The following CACNA1E variants were observed in gnomAD, a reference collection of about 807,000 sequenced individuals.
CACNA1E encodes voltage-dependent R-type calcium channel subunit alpha-1E.
A neutral mutation model predicts 259.2 loss-of-function variants in CACNA1E; 40 were observed. The observed-to-expected ratio is 0.15, with a 90% CI of 0.12 to 0.20. The LOEUF is 0.20. Among genes scored for constraint, CACNA1E ranks in the 10% least tolerant of loss-of-function variants. The pLI, the probability that CACNA1E is intolerant of heterozygous loss-of-function variation, is 1.00. For synonymous variants in CACNA1E, 1,104 were observed against 1,138.5 expected (o/e 0.97, Z 0.61); for missense variants, 1,874 against 3,040.1 (o/e 0.62, Z 9.02).
chr1:181,356,839 C>T (rs1653480865), intron 1 of CACNA1E, among the ~76,000 whole-genome samples: 1 of 152,156 alleles, frequency 6.6e-6, no homozygotes, highest in Non-Finnish European at 1.5e-5. Flanking sequence ...TCCCTTCCTC[C>T]CCACTCTCCT....
intron 6 of CACNA1E, among the ~76,000 whole-genome samples, chr1:181,648,371 G>T (rs191696300): frequency 2.0e-5 from 3 of 152,222 alleles, no homozygotes; most frequent in Non-Finnish European, 4.4e-5. Flanking sequence ...CTCGTCATTG[G>T]TTTTTTATAG....
intron 2 of CACNA1E, among the ~76,000 whole-genome samples, chr1:181,416,567 A>G (rs2102166770): frequency 6.6e-6 from 1 of 151,990 alleles, no homozygotes; most frequent in East Asian, 1.9e-4. Context: ...CATCCTCCTC[A>G]TCTTCTCTGG....
chr1:181,374,968 A>T (rs1451104320), intron 1 of CACNA1E, among the ~76,000 whole-genome samples: 3 of 152,214 alleles, frequency 2.0e-5, no homozygotes, highest in African/African-American at 4.8e-5. Flanking sequence ...AATATAAAAG[A>T]TACAAAAGGA....
At position 181,803,088 on chromosome 1, in the gene CACNA1E, G is replaced by C. The variant is rs141071443; in HGVS notation, c.*4254G>C. The C allele has an allele frequency of 6.6e-6, 1 of 152,160 alleles. No individual in the cohort carries two copies. Among genetic ancestry groups the C allele is most frequent in the Non-Finnish European group, 1.5e-5 (1 of 68,034 alleles). 9.4% of individuals were successfully genotyped at this position (152,160 alleles called of 1,614,324 possible). ...GTTTTGAGATCCTCAGAGGCCTAGGGTTAGCGTATACCAAGAATCCTGGTG... is the reference window on the plus strand; with the variant it reads ...GTTTTGAGATCCTCAGAGGCCTAGGCTTAGCGTATACCAAGAATCCTGGTG... On this transcript the variant is annotated 3_prime_UTR_variant, in exon 48 of 48. Transcript: ENST00000367573.
At chr1:181,391,943 C>CTG (rs1224824583) in intron 1 of CACNA1E, among the ~76,000 whole-genome samples, 63 of 125,128 alleles carry the variant, frequency 5.0e-4, no homozygotes, top group Admixed American at 8.1e-4. Flanking sequence ...CTCTCTCTCT[C>CTG]TCTGTGTGTG....
chr1:181,693,148 A>AAAC (rs1383505920), intron 7 of CACNA1E, among the ~76,000 whole-genome samples: 1 of 145,538 alleles, frequency 6.9e-6, no homozygotes, highest in Admixed American at 7.0e-5. Flanking sequence ...AAAAAAAAAA[A>AAAC]AACAACAGAT....
intron 3 of CACNA1E, among the ~76,000 whole-genome samples, chr1:181,519,076 T>G (rs517209): frequency 0.62 from 94,580 of 152,080 alleles, 31,652 homozygotes; most frequent in African/African-American, 0.89. Context: ...GCAGTTAAAC[T>G]CGTGCATTCT....
rs1489695134 is a variant in CACNA1E at position 181,803,556 on chromosome 1, G to A, written c.*4722G>A. On this transcript the variant is annotated 3_prime_UTR_variant, in exon 48 of 48. Transcript: ENST00000367573. ...CAGGTCTACCCCAAATAGAGCAGCA[G>A]CTGATGGCTTCTCTGCTGTCTGTGG... is the stretch of plus-strand genomic sequence containing the variant. 2 of 152,196 alleles carry A rather than the reference G, an allele frequency of 1.3e-5. No individual in the cohort carries two copies. The highest frequency in any genetic ancestry group is 2.4e-5 in the African/African-American group (1 of 41,428). 9.4% of individuals were successfully genotyped at this position (152,196 alleles called of 1,614,324 possible).
At chr1:181,645,473 A>AT (rs1370578170) in intron 6 of CACNA1E, among the ~76,000 whole-genome samples, 2 of 152,082 alleles carry the variant, frequency 1.3e-5, no homozygotes, top group Admixed American at 1.3e-4. Context: ...GCATGTCTTC[A>AT]TCTTAATCTT....
At chr1:181,739,341 A>G in intron 25 of CACNA1E, 88 bp downstream of exon 25, 1 of 879,074 alleles carries the variant, frequency 1.1e-6, no homozygotes, top group Non-Finnish European at 1.9e-6. Flanking sequence ...GAAATGCAAC[A>G]TGCAGGGTGA....
intron 7 of CACNA1E, among the ~76,000 whole-genome samples, chr1:181,665,984 G>A (rs1361139965): frequency 6.6e-6 from 1 of 151,838 alleles, no homozygotes; most frequent in African/African-American, 2.4e-5. Context: ...TACTCTTTCT[G>A]TGATTCTTTT....
chr1:181,695,819 G>A (rs971002760), intron 7 of CACNA1E, among the ~76,000 whole-genome samples: 8 of 152,118 alleles, frequency 5.3e-5, no homozygotes, highest in African/African-American at 1.7e-4. Context: ...CCCAGGTGTG[G>A]TGGTGTCTGC....
At chr1:181,639,984 C>G (rs1053545699) in intron 6 of CACNA1E, among the ~76,000 whole-genome samples, 1 of 152,150 alleles carries the variant, frequency 6.6e-6, no homozygotes, top group African/African-American at 2.4e-5. Flanking sequence ...TGGGAAGGAA[C>G]CCCACATCTG....
intron 7 of CACNA1E, among the ~76,000 whole-genome samples, chr1:181,678,075 C>G (rs945664895): frequency 6.6e-6 from 1 of 152,116 alleles, no homozygotes; most frequent in Admixed American, 6.5e-5. Flanking sequence ...CAGGCCTGTT[C>G]TGTGGATGAG....
intron 3 of CACNA1E, among the ~76,000 whole-genome samples, chr1:181,522,433 T>C (rs148327658): frequency 0.011 from 1,738 of 152,338 alleles, 17 homozygotes; most frequent in Middle Eastern, 0.024. Flanking sequence ...TTAAAAATGC[T>C]TTGCTGAGAA....
chr1:181,382,051 G>A (rs1655493309), intron 1 of CACNA1E, among the ~76,000 whole-genome samples: 1 of 152,230 alleles, frequency 6.6e-6, no homozygotes, highest in African/African-American at 2.4e-5. Flanking sequence ...GGGAAGAGAA[G>A]CCTGGGGACA....
At chr1:181,490,072 A>G (rs1235839473) in intron 1 of CACNA1E, among the ~76,000 whole-genome samples, 1 of 152,224 alleles carries the variant, frequency 6.6e-6, no homozygotes, top group Non-Finnish European at 1.5e-5. Context: ...AGGTTATTGC[A>G]GAGAGATGTT....
chr1:181,470,124 C>G (rs747286427), intron 2 of CACNA1E, among the ~76,000 whole-genome samples: 1 of 151,808 alleles, frequency 6.6e-6, no homozygotes, highest in South Asian at 2.1e-4. Flanking sequence ...AGAGAGAGCA[C>G]GAGAGCACAC....
rs184525176 is a variant in CACNA1E, at chr1:181,681,064, C to T, written c.1055+29623C>T. 2.6e-5 allele frequency among the ~76,000 whole-genome samples: 4 copies of T among 152,330 alleles called. No homozygotes were observed. The South Asian group carries it at 8.3e-4, about 32-fold the overall frequency. ...GGGCGGTGTGTGACAGTTCTACTGACGTTTCATTAGGAAATGAGTCACGTG... is the reference window on the plus strand; with the variant it reads ...GGGCGGTGTGTGACAGTTCTACTGATGTTTCATTAGGAAATGAGTCACGTG... On this transcript the variant is annotated intron_variant, in intron 7 of 47. Coordinates refer to ENST00000367573, the MANE Select transcript of CACNA1E (RefSeq NM_001205293.3).
Sources: allele counts gnomAD v4.1 joint callset (sites outside exome capture counted in the v4.1 genomes callset), GRCh38; gene constraint gnomAD v4.1.1; transcripts MANE v1.5; gene names NCBI Gene and HGNC (gene_info 2026-07-23, HGNC 2026-07-21).